The following TSBP1 variants were observed in gnomAD, a reference collection of about 807,000 sequenced individuals.
TSBP1 encodes testis expressed basic protein 1.
Under a neutral mutation model 68.8 loss-of-function variants are expected in TSBP1, and 56 were observed. The observed-to-expected ratio is 0.81, with a 90% CI of 0.66 to 1.02. The LOEUF (loss-of-function observed/expected upper bound fraction) is 1.02, where lower values mean the gene tolerates loss of function less well. Ranked by LOEUF, TSBP1 falls within the 50% of genes least tolerant of loss-of-function variation. The pLI is 0.00. For missense variants in TSBP1, 502 were observed against 641.2 expected (o/e 0.78, Z 2.34); for synonymous variants, 171 against 208.7 (o/e 0.82, Z 1.56).
Position 32,336,198 on chromosome 6 carries a change from C to T in TSBP1, c.431-266G>A, listed in dbSNP as rs968993055. Among the ~76,000 whole-genome samples the T allele has an allele frequency of 1.3e-5, 2 of 152,174 alleles. No homozygotes were observed. Among genetic ancestry groups the T allele is most frequent in the African/African-American group, 4.8e-5 (2 of 41,434 alleles). Reference sequence around the variant, plus strand: ...CTCACTCCATATTAATCTGTTATGCCTCTATTTTTCTTCTTACATTTTCTT... The same window carrying T: ...CTCACTCCATATTAATCTGTTATGCTTCTATTTTTCTTCTTACATTTTCTT... On this transcript the variant is annotated intron_variant, in intron 12 of 22. Transcript: ENST00000612031. This position sits in a 1 kb window ranked among gnomAD's most constrained non-coding sequence, Gnocchi z 5.2.
In TSBP1 at chr6:32,336,034, T is replaced by C. The variant is rs1583088129; in HGVS notation, c.431-102A>G. On this transcript the variant is annotated intron_variant, in intron 12 of 22. Coordinates refer to ENST00000612031, the Ensembl canonical transcript of TSBP1. This position sits in a 1 kb window ranked among gnomAD's most constrained non-coding sequence, Gnocchi z 5.2. Reference sequence around the variant, plus strand: ...CACTCGCTCTAGGGAGTATCATAAATAGAAACAACGGGAAGATCAAGAGTT... The same window carrying C: ...CACTCGCTCTAGGGAGTATCATAAACAGAAACAACGGGAAGATCAAGAGTT... 7.0e-6 allele frequency: 7 copies of C among 998,910 alleles called. No individual in the cohort carries two copies. Among genetic ancestry groups the C allele is most frequent in the Non-Finnish European group, 1.1e-5 (7 of 645,270 alleles). The allele number at this position is 998,910 out of a possible 1,614,324, so 61.9% of individuals were successfully genotyped here.
Position 32,306,687 on chromosome 6 carries a change from T to C in TSBP1, c.581-4058A>G, listed in dbSNP as rs1341996943. On this transcript the variant is annotated intron_variant, in intron 19 of 22. Transcript: ENST00000612031. The surrounding 1 kb of genome is among the most constrained non-coding windows in gnomAD (Gnocchi z 5.1). Reference sequence around the variant, plus strand: ...TAGGTTGCAGTGCTAAATGGAACTATTATTCAATTTAAGAACATATAAAGC... The same window carrying C: ...TAGGTTGCAGTGCTAAATGGAACTACTATTCAATTTAAGAACATATAAAGC... Among the ~76,000 whole-genome samples the C allele has an allele frequency of 6.6e-6, 1 of 152,188 alleles. No homozygotes were observed. Among genetic ancestry groups the C allele is most frequent in the Non-Finnish European group, 1.5e-5 (1 of 68,028 alleles).
chr6:32,344,574 C>T (rs7383143), intron 9 of TSBP1, among the ~76,000 whole-genome samples: 63,766 of 151,560 alleles, frequency 0.42, 14,281 homozygotes, highest in African/African-American at 0.54. Flanking sequence ...TCTAAGTGCA[C>T]GCCAATTGCT....
Position 32,366,263 on chromosome 6 carries a change from A to C in TSBP1, c.196+10T>G. 1 of 1,596,570 alleles carries C rather than the reference A, an allele frequency of 6.3e-7. No homozygotes were observed. Among genetic ancestry groups the C allele is most frequent in the South Asian group, 1.1e-5 (1 of 87,060 alleles). Reference sequence around the variant, plus strand: ...TCCTATATTAATTTCTTAGCAATACAATAATTTACCACTTTGTGTTGAATA... The same window carrying C: ...TCCTATATTAATTTCTTAGCAATACCATAATTTACCACTTTGTGTTGAATA... On this transcript the variant is annotated intron_variant, in intron 5 of 22. Coordinates refer to ENST00000612031, the Ensembl canonical transcript of TSBP1.
chr6:32,371,715 T>A, exon 1 of TSBP1: 1 of 1,613,834 alleles, frequency 6.2e-7, no homozygotes, highest in Non-Finnish European at 8.5e-7. Flanking sequence ...ATTTTCCATG[T>A]ATTGTCTTCA....
chr6:32,294,435 T>C (rs1406730835), intron 22 of TSBP1, among the ~76,000 whole-genome samples: 1 of 152,218 alleles, frequency 6.6e-6, no homozygotes, highest in Non-Finnish European at 1.5e-5. Context: ...TCAAAAATGC[T>C]TTCCATATTG....
intron 9 of TSBP1, among the ~76,000 whole-genome samples, chr6:32,345,720 C>T (rs943896189): frequency 7.9e-5 from 12 of 152,302 alleles, no homozygotes; most frequent in African/African-American, 2.9e-4. Flanking sequence ...ATAGTCTCCT[C>T]TATCTTGGGC....
At chr6:32,293,015 G>A (rs1764306003) in exon 23 of TSBP1, 1 of 1,607,458 alleles carries the variant, frequency 6.2e-7, no homozygotes, top group South Asian at 1.1e-5. Context: ...CTTCCTTCCT[G>A]TATTTGCCTT....
intron 19 of TSBP1, among the ~76,000 whole-genome samples, chr6:32,309,858 T>C (rs918603096): frequency 2.0e-5 from 3 of 152,330 alleles, no homozygotes; most frequent in South Asian, 2.1e-4. Flanking sequence ...TCTATCTAAC[T>C]ATTTTTGTAC....
At chr6:32,318,257 A>G (rs758607916) in intron 18 of TSBP1, among the ~76,000 whole-genome samples, 2 of 152,180 alleles carry the variant, frequency 1.3e-5, no homozygotes, top group Non-Finnish European at 1.5e-5. Flanking sequence ...ATGAGAACAC[A>G]TGGACACAGA....
intron 6 of TSBP1, chr6:32,356,872 A>G (rs982660143): frequency 6.5e-6 from 1 of 154,404 alleles, no homozygotes; most frequent in African/African-American, 2.4e-5. Flanking sequence ...CTAGAAAAAT[A>G]CTAAGAATAA....
intron 18 of TSBP1, chr6:32,320,056 T>C: frequency 2.3e-6 from 1 of 439,412 alleles, no homozygotes; most frequent in Admixed American, 2.5e-5. Flanking sequence ...TTGTGAGGTA[T>C]CACTCACCAC....
chr6:32,330,631 AT>A, intron 15 of TSBP1, 22 bp from the exon 17 acceptor site: 3 of 1,514,134 alleles, frequency 2.0e-6, no homozygotes, highest in Admixed American at 2.0e-5. Flanking sequence ...AAACAAACAA[AT>A]TAAACACACA....
In TSBP1 at chr6:32,333,812, A is replaced by G. The variant is rs972765978; in HGVS notation, c.472+1625T>C. ...GTTAATAATCCTTCACTTCAGTGTCACTCAGAATGAGAAATATCCACATTT... is the reference window on the plus strand; with the variant it reads ...GTTAATAATCCTTCACTTCAGTGTCGCTCAGAATGAGAAATATCCACATTT... On this transcript the variant is annotated intron_variant, in intron 14 of 22. Coordinates refer to ENST00000612031, the Ensembl canonical transcript of TSBP1. This position sits in a 1 kb window ranked among gnomAD's most constrained non-coding sequence, Gnocchi z 4.2. Among the ~76,000 whole-genome samples, 2 of 140,960 alleles carry G rather than the reference A, an allele frequency of 1.4e-5. No homozygotes were observed. Among genetic ancestry groups the G allele is most frequent in the Non-Finnish European group, 3.0e-5 (2 of 66,996 alleles). 92.5% of individuals were successfully genotyped at this position (140,960 alleles called of 152,430 possible). A position where few individuals can be genotyped will look rare whatever the true frequency, so the allele number is the denominator to read the frequency against.
intron 6 of TSBP1, 61 bp from the exon 7 acceptor site, chr6:32,355,730 T>A (rs1272480281): frequency 1.3e-6 from 2 of 1,558,888 alleles, no homozygotes; most frequent in Non-Finnish European, 1.7e-6. Flanking sequence ...GTAGTTTTGG[T>A]ATCACTACAG....
chr6:32,323,411 T>C (rs1346906773), intron 17 of TSBP1, 180 bp downstream of exon 18: 6 of 725,270 alleles, frequency 8.3e-6, no homozygotes. Flanking sequence ...TGAAATTATG[T>C]AAATATAACT....
rs1773712118 is a variant in TSBP1, at chr6:32,366,366, G to T, written c.167-64C>A. ...AACAAGTGAGTCTATATTATTTTTTGTTAGATAGAAATCTGTTTACCTCTT... is the reference window on the plus strand; with the variant it reads ...AACAAGTGAGTCTATATTATTTTTTTTTAGATAGAAATCTGTTTACCTCTT... On this transcript the variant is annotated intron_variant, in intron 4 of 22. Transcript: ENST00000612031. 3 of 1,438,588 alleles carry T rather than the reference G, an allele frequency of 2.1e-6. No homozygotes were observed. In the East Asian group the frequency reaches 6.8e-5, roughly 33 times the overall value. 89.1% of individuals were successfully genotyped at this position (1,438,588 alleles called of 1,614,324 possible). A position where few individuals can be genotyped will look rare whatever the true frequency, so the allele number is the denominator to read the frequency against.
rs1766694325 is a variant in TSBP1 at position 32,314,043 on chromosome 6, C to T, written c.580+1729G>A. 7.0e-6 allele frequency among the ~76,000 whole-genome samples: 1 copy of T among 143,566 alleles called. No homozygotes were observed. The highest frequency in any genetic ancestry group is 1.6e-5 in the Non-Finnish European group (1 of 64,360). The allele number at this position is 143,566 out of a possible 152,430, so 94.2% of individuals were successfully genotyped here. A position where few individuals can be genotyped will look rare whatever the true frequency, so the allele number is the denominator to read the frequency against. On this transcript the variant is annotated intron_variant, in intron 19 of 22. Coordinates refer to ENST00000612031, the Ensembl canonical transcript of TSBP1. The surrounding 1 kb of genome is among the most constrained non-coding windows in gnomAD (Gnocchi z 4.2). Reference sequence around the variant, plus strand: ...TTTGTTCCTGAGGCAAAGCTGCTACCTCTGTTTCCTCATCCCCTCACCATT... The same window carrying T: ...TTTGTTCCTGAGGCAAAGCTGCTACTTCTGTTTCCTCATCCCCTCACCATT...
rs374613067 is a variant in TSBP1 at position 32,304,792 on chromosome 6, A to T, written c.581-2163T>A. On this transcript the variant is annotated intron_variant, in intron 19 of 22. Coordinates refer to ENST00000612031, the Ensembl canonical transcript of TSBP1. This position sits in a 1 kb window ranked among gnomAD's most constrained non-coding sequence, Gnocchi z 4.8. ...TAATTAAAATGTAGTTGAGTTTAGC[A>T]CCTTTTCTTTTTCTTTTCAGTTTTT... 6.6e-6 allele frequency among the ~76,000 whole-genome samples: 1 copy of T among 152,094 alleles called. No homozygotes were observed. The highest frequency in any genetic ancestry group is 1.9e-4 in the East Asian group (1 of 5,184).
Sources: gnomAD v4.1 joint callset for allele counts (sites outside exome capture counted in the v4.1 genomes callset) on GRCh38, gnomAD v4.1.1 for gene constraint, Gnocchi (gnomAD v3.1) non-coding constraint, MANE v1.5 for transcripts, NCBI Gene and HGNC (gene_info 2026-07-23, HGNC 2026-07-21) for gene names.